Variants in ZDHHC23 observed in about 807,000 individuals in gnomAD.
ZDHHC23 encodes palmitoyltransferase ZDHHC23.
Under a neutral mutation model 40.2 loss-of-function variants are expected in ZDHHC23, and 41 were observed. The observed-to-expected ratio is 1.02, with a 90% CI of 0.79 to 1.32. The LOEUF (loss-of-function observed/expected upper bound fraction) is 1.32, where lower values mean the gene tolerates loss of function less well. ZDHHC23 is among the 40% of genes most tolerant of loss of function. The probability of loss-of-function intolerance (pLI) is 0.00; values close to 1 mark genes in which losing one functional copy is unlikely to be tolerated. For missense variants in ZDHHC23, 471 were observed against 541.5 expected (o/e 0.87, Z 1.29); for synonymous variants, 204 against 210.2 (o/e 0.97, Z 0.26).
chr3:113,953,809 A>T lies in ZDHHC23; in HGVS notation c.271A>T (p.Ser91Cys). ...WLRGAKKVNI[S>C]IIPPLVLLPV... ...TAGGGGAGCCAAAAAAGTGAACATC[A>T]GCATCATCCCTCCGCTTGTCCTGCT... Residue 91 changes from serine (S) to cysteine (C), a missense_variant, in exon 3 of 5, where the codon AGC becomes TGC. By Grantham distance (112) the Ser-to-Cys change is moderately radical (BLOSUM62 -1). Transcript: ENST00000638807. 1 of 1,614,196 alleles carries T rather than the reference A, an allele frequency of 6.2e-7. No individual in the cohort carries two copies. The highest frequency in any genetic ancestry group is 8.5e-7 in the Non-Finnish European group (1 of 1,180,030).
At chr3:113,979,097 A>AACAC in the ZDHHC23 span, 8 of 1,276,046 alleles carry the variant, frequency 6.3e-6, no homozygotes, top group Non-Finnish European at 7.7e-6. Context: ...GATGCTATAA[A>AACAC]ACACATTTAG....
Position 113,959,115 on chromosome 3 carries a change from A to T in ZDHHC23, c.*485A>T. 3.1e-6 allele frequency: 3 copies of T among 967,840 alleles called. No homozygotes were observed. Among genetic ancestry groups the T allele is most frequent in the Non-Finnish European group, 3.9e-6 (3 of 777,718 alleles). The allele number at this position is 967,840 out of a possible 1,614,324, so 60.0% of individuals were successfully genotyped here. ...ATGAGGGTCACGTGAGGGAAGATGGATGTGGAAAGCACTAAAAAACAACTC... is the reference window on the plus strand; with the variant it reads ...ATGAGGGTCACGTGAGGGAAGATGGTTGTGGAAAGCACTAAAAAACAACTC... On this transcript the variant is annotated 3_prime_UTR_variant, in exon 5 of 5. Coordinates refer to ENST00000638807, the MANE Select transcript of ZDHHC23 (RefSeq NM_001320466.2).
the ZDHHC23 span, among the ~76,000 whole-genome samples, chr3:113,972,816 CTTTA>C: frequency 1.3e-5 from 2 of 152,048 alleles, no homozygotes; most frequent in Non-Finnish European, 2.9e-5. Flanking sequence ...AATGACCTTT[CTTTA>C]TTTCTCTTTA....
At chr3:113,957,206 C>T (rs1425715306) in intron 4 of ZDHHC23, among the ~76,000 whole-genome samples, 1 of 152,248 alleles carries the variant, frequency 6.6e-6, no homozygotes, top group Non-Finnish European at 1.5e-5. Context: ...CCCTTCCCTT[C>T]ATCATCCTCT....
chr3:113,953,823 G>T lies in ZDHHC23; in HGVS notation c.285G>T (p.Pro95=), dbSNP rs1304964351. The T allele has an allele frequency of 1.2e-6, 2 of 1,614,050 alleles. No individual in the cohort carries two copies. The highest frequency in any genetic ancestry group is 1.3e-5 in the African/African-American group (1 of 74,904). ...AAGTGAACATCAGCATCATCCCTCC[G>T]CTTGTCCTGCTGCCTGTCTTCCTTC... ...AKKVNISIIP[P]LVLLPVFLHV... The change falls in exon 3 of 5, where the codon CCG becomes CCT. Residue 95 remains proline, a synonymous_variant. Coordinates refer to ENST00000638807, the MANE Select transcript of ZDHHC23 (RefSeq NM_001320466.2).
downstream of ZDHHC23, among the ~76,000 whole-genome samples, chr3:113,968,461 C>CT (rs1280809551): frequency 3.1e-4 from 45 of 144,756 alleles, no homozygotes; most frequent in South Asian, 4.3e-4. Flanking sequence ...CTTCCCCCCC[C>CT]TTTTTTTTTT....
At chr3:113,970,661 G>A in the ZDHHC23 span, among the ~76,000 whole-genome samples, 1 of 152,086 alleles carries the variant, frequency 6.6e-6, no homozygotes, top group African/African-American at 2.4e-5. Flanking sequence ...TTGGTGTGCT[G>A]CACCCATTAA....
At chr3:113,979,036 A>G in the ZDHHC23 span, 5 of 1,601,490 alleles carry the variant, frequency 3.1e-6, no homozygotes, top group South Asian at 3.3e-5. Flanking sequence ...AATGAGAAAT[A>G]TTATTCCTTA....
Position 113,960,652 on chromosome 3 carries a change from AAG to A in ZDHHC23, c.*2026_*2027del. 6.2e-7 allele frequency: 1 copy of A among 1,606,572 alleles called. No homozygotes were observed. Among genetic ancestry groups the A allele is most frequent in the Non-Finnish European group, 8.5e-7 (1 of 1,177,590 alleles). ...TGATGTGATGAAGATAAGTAGTACA[AAG>A]AGACCAAAATAATTTGGGAGAATTA... is the stretch of plus-strand genomic sequence containing the variant. On this transcript the variant is annotated 3_prime_UTR_variant, in exon 5 of 5. Coordinates refer to ENST00000638807, the MANE Select transcript of ZDHHC23 (RefSeq NM_001320466.2).
rs1938906726 is a variant in ZDHHC23 at position 113,953,766 on chromosome 3, C to T, written c.228C>T (p.Arg76=). 1 of 1,614,066 alleles carries T rather than the reference C, an allele frequency of 6.2e-7. No homozygotes were observed. Among genetic ancestry groups the T allele is most frequent in the East Asian group, 2.2e-5 (1 of 44,896 alleles). ...CERIMDTISD[R]LRIPWLRGAK... ...GAATCATGGATACAATTTCTGATCG[C>T]CTCCGAATTCCTTGGCTTAGGGGAG... The change falls in exon 3 of 5, where the codon CGC becomes CGT. Residue 76 remains arginine (R), a synonymous_variant. Transcript: ENST00000638807.
rs761874177 is a variant in ZDHHC23 at position 113,960,686 on chromosome 3, A to G, written c.*2056A>G. The G allele has an allele frequency of 6.2e-7, 1 of 1,606,602 alleles. No individual in the cohort carries two copies. Among genetic ancestry groups the G allele is most frequent in the Non-Finnish European group, 8.5e-7 (1 of 1,177,350 alleles). On this transcript the variant is annotated 3_prime_UTR_variant, in exon 5 of 5. Coordinates refer to ENST00000638807, the MANE Select transcript of ZDHHC23 (RefSeq NM_001320466.2). ...AAATAATTTGGGAGAATTAGGAATG[A>G]TGACAATTTTTTTTAACAACTTACC... is the stretch of plus-strand genomic sequence containing the variant.
intron 2 of ZDHHC23, among the ~76,000 whole-genome samples, chr3:113,951,196 A>G (rs978180921): frequency 3.3e-5 from 5 of 152,088 alleles, no homozygotes; most frequent in African/African-American, 1.2e-4. Context: ...AGCTCCAAGC[A>G]GGCATTGCCT....
At chr3:113,978,628 A>C in the ZDHHC23 span, 3 of 598,454 alleles carry the variant, frequency 5.0e-6, no homozygotes, top group Non-Finnish European at 8.6e-6. Flanking sequence ...TGATGGAATG[A>C]TAACTTACAG....
chr3:113,963,539 C>G (rs1024131741), downstream of ZDHHC23, among the ~76,000 whole-genome samples: 1 of 132,354 alleles, frequency 7.6e-6, no homozygotes, highest in African/African-American at 2.9e-5. Context: ...GAGTTCAAGA[C>G]TAGCCTGGGC....
At chr3:113,978,826 T>G in the ZDHHC23 span, 21 of 1,593,838 alleles carry the variant, frequency 1.3e-5, no homozygotes, top group Non-Finnish European at 1.8e-5. Flanking sequence ...AGCAATGAGA[T>G]GTATTTAAGG....
intron 2 of ZDHHC23, among the ~76,000 whole-genome samples, chr3:113,953,003 A>G (rs1938826434): frequency 6.6e-6 from 1 of 152,242 alleles, no homozygotes; most frequent in South Asian, 2.1e-4. Flanking sequence ...AGCATAGCCT[A>G]AGTGTGCAAA....
Position 113,958,664 on chromosome 3 carries a change from G to T in ZDHHC23, c.*34G>T. ...CTATGTGGCTCTCTGAGGGATGATG[G>T]CTCCTCCTTCCGTCTCCCTTCCATT... On this transcript the variant is annotated 3_prime_UTR_variant, in exon 5 of 5. Transcript: ENST00000638807. 6.3e-7 allele frequency: 1 copy of T among 1,593,470 alleles called. No homozygotes were observed. Among genetic ancestry groups the T allele is most frequent in the Non-Finnish European group, 8.5e-7 (1 of 1,177,384 alleles).
chr3:113,970,364 C>T (rs1463586697), downstream of ZDHHC23, among the ~76,000 whole-genome samples: 1 of 152,030 alleles, frequency 6.6e-6, no homozygotes, highest in Admixed American at 6.6e-5. Context: ...GTTTCTCTGT[C>T]ACCCAGGCTG....
At chr3:113,957,994 C>A in intron 4 of ZDHHC23, 1 of 356,228 alleles carries the variant, frequency 2.8e-6, no homozygotes, top group South Asian at 2.2e-5. Context: ...TATAGCAGTC[C>A]CTTGGTGCCT....
Sources: allele counts gnomAD v4.1 joint callset (sites outside exome capture counted in the v4.1 genomes callset), GRCh38; gene constraint gnomAD v4.1.1; transcripts MANE v1.5; gene names NCBI Gene and HGNC (gene_info 2026-07-23, HGNC 2026-07-21).